Variants in ERG observed in about 807,000 individuals in gnomAD.
ERG encodes transcriptional regulator ERG.
ERG carries 9 observed loss-of-function variants against 55.3 expected under a neutral mutation model. The observed-to-expected ratio is 0.16, with a 90% confidence interval of 0.10 to 0.28. ERG has a LOEUF of 0.28. ERG is among the 10% of genes least tolerant of loss of function. The pLI, the probability that ERG is intolerant of heterozygous loss-of-function variation, is 1.00. For missense variants in ERG, 434 were observed against 631.6 expected (o/e 0.69, Z 3.35); for synonymous variants, 223 against 237.3 (o/e 0.94, Z 0.55).
intron 3 of ERG, among the ~76,000 whole-genome samples, chr21:38,411,471 C>T (rs1989045453): frequency 6.6e-6 from 1 of 152,078 alleles, no homozygotes; most frequent in Non-Finnish European, 1.5e-5. Flanking sequence ...ACCATCGTGG[C>T]TAATTTTTGT....
intron 1 of ERG, among the ~76,000 whole-genome samples, chr21:38,625,735 T>C (rs947840433): frequency 2.0e-5 from 3 of 152,118 alleles, no homozygotes; most frequent in East Asian, 1.9e-4. Flanking sequence ...AAGACTTTAT[T>C]TTTGAACAGG....
At chr21:38,387,996 C>T (rs1311581432) in intron 9 of ERG, among the ~76,000 whole-genome samples, 2 of 152,220 alleles carry the variant, frequency 1.3e-5, no homozygotes, top group Admixed American at 1.3e-4. Flanking sequence ...TTATGCACAC[C>T]TCTGTAGCCT....
chr21:38,564,558 T>C (rs1414369252), intron 2 of ERG, among the ~76,000 whole-genome samples: 1 of 152,156 alleles, frequency 6.6e-6, no homozygotes, highest in African/African-American at 2.4e-5. Flanking sequence ...TGTTTGCATA[T>C]AAGCTGTCTG....
chr21:38,602,180 C>T (rs1226182354), intron 1 of ERG, among the ~76,000 whole-genome samples: 1 of 152,188 alleles, frequency 6.6e-6, no homozygotes, highest in Non-Finnish European at 1.5e-5. Flanking sequence ...CATGGTGGCT[C>T]ACGCCTGTAA....
At chr21:38,539,595 C>T (rs8130080) in intron 2 of ERG, among the ~76,000 whole-genome samples, 11,045 of 152,084 alleles carry the variant, frequency 0.073, 561 homozygotes, top group Middle Eastern at 0.14. Flanking sequence ...AGTGAAAAAG[C>T]TAAAGATTAA....
chr21:38,646,900 T>G (rs1482017793), intron 1 of ERG, among the ~76,000 whole-genome samples: 1 of 152,106 alleles, frequency 6.6e-6, no homozygotes, highest in Non-Finnish European at 1.5e-5. Context: ...CACTGTTACA[T>G]CCAAAGCGTG....
chr21:38,542,603 A>C (rs915307488), intron 2 of ERG, among the ~76,000 whole-genome samples: 1 of 152,198 alleles, frequency 6.6e-6, no homozygotes, highest in African/African-American at 2.4e-5. Flanking sequence ...TATTTCTAAA[A>C]ATAGAGAAAT....
At chr21:38,442,977 T>G (rs2058856045) in intron 2 of ERG, among the ~76,000 whole-genome samples, 1 of 151,972 alleles carries the variant, frequency 6.6e-6, no homozygotes, top group Non-Finnish European at 1.5e-5. Context: ...CCGGCTAATT[T>G]TTTGTATTTT....
At chr21:38,567,845 T>C (rs1301235064) in intron 2 of ERG, among the ~76,000 whole-genome samples, 1 of 152,196 alleles carries the variant, frequency 6.6e-6, no homozygotes, top group African/African-American at 2.4e-5. Flanking sequence ...CTTCGTGTTA[T>C]TGAAAAGAGC....
intron 3 of ERG, among the ~76,000 whole-genome samples, chr21:38,418,927 CAAAAAAAAA>C (rs35001409): frequency 1.2e-5 from 1 of 80,924 alleles, no homozygotes; most frequent in Non-Finnish European, 2.4e-5. Context: ...GACTTTGTCT[CAAAAAAAAA>C]AAAAAAAAAA....
chr21:38,597,299 T>C (rs571470117), intron 1 of ERG, among the ~76,000 whole-genome samples: 2 of 152,354 alleles, frequency 1.3e-5, no homozygotes, highest in African/African-American at 4.8e-5. Context: ...AATTGGTTTA[T>C]CTGTCTATAT....
rs17285210 is a variant in ERG at position 38,489,941 on chromosome 21, C to T, written c.18+8422G>A. Among the ~76,000 whole-genome samples, 2,140 of 152,220 alleles carry T rather than the reference C, an allele frequency of 0.014. 89 individuals are homozygous for T. The East Asian group carries it at 0.16, about 11-fold the overall frequency. ...TTCAAGCCGCCTTCCAGGTGGATAGCGATTGCAATGAGAGAGAAAGAGTAT... is the reference window on the plus strand; with the variant it reads ...TTCAAGCCGCCTTCCAGGTGGATAGTGATTGCAATGAGAGAGAAAGAGTAT... On this transcript the variant is annotated intron_variant, in intron 1 of 9. Coordinates refer to ENST00000288319, the MANE Select transcript of ERG (RefSeq NM_182918.4).
At chr21:38,555,603 T>C (rs1310881081) in intron 2 of ERG, among the ~76,000 whole-genome samples, 1 of 152,060 alleles carries the variant, frequency 6.6e-6, no homozygotes, top group Non-Finnish European at 1.5e-5. Context: ...TATATTGAAA[T>C]ATGCACTATG....
chr21:38,540,183 C>T (rs1285875754), intron 2 of ERG, among the ~76,000 whole-genome samples: 1 of 152,152 alleles, frequency 6.6e-6, no homozygotes, highest in East Asian at 1.9e-4. Flanking sequence ...GGCTGAGCCA[C>T]TGTGCCAGTT....
chr21:38,576,828 C>A (rs374177012), intron 1 of ERG, among the ~76,000 whole-genome samples: 8 of 152,038 alleles, frequency 5.3e-5, no homozygotes, highest in African/African-American at 1.7e-4. Flanking sequence ...CCTCCCTGGG[C>A]GCTTGGTTAT....
At chr21:38,565,570 C>A (rs2059917830) in intron 2 of ERG, among the ~76,000 whole-genome samples, 1 of 152,190 alleles carries the variant, frequency 6.6e-6, no homozygotes, top group African/African-American at 2.4e-5. Context: ...AGAGCTCCTG[C>A]CAAAGGGCCT....
chr21:38,429,764 C>CACACA (rs776061892), intron 2 of ERG, among the ~76,000 whole-genome samples: 1 of 149,192 alleles, frequency 6.7e-6, no homozygotes, highest in Non-Finnish European at 1.5e-5. Flanking sequence ...CACACACACA[C>CACACA]CACATTTTCT....
Position 38,381,129 on chromosome 21 carries a change from C to G in ERG, c.*2274G>C, listed in dbSNP as rs1374944973. The G allele has an allele frequency of 1.2e-5, 13 of 1,064,902 alleles. No homozygotes were observed. The East Asian group carries it at 4.5e-4, about 37-fold the overall frequency. The allele number at this position is 1,064,902 out of a possible 1,614,324, so 66.0% of individuals were successfully genotyped here. ...AGGAGCATTGGTAATCGTGTCCTGC[C>G]GACTTCAAAGCCCACTGCCAAAACA... On this transcript the variant is annotated 3_prime_UTR_variant, in exon 10 of 10. Coordinates refer to ENST00000288319, the MANE Select transcript of ERG (RefSeq NM_182918.4).
chr21:38,627,158 A>G (rs2060329919), intron 1 of ERG, among the ~76,000 whole-genome samples: 2 of 152,206 alleles, frequency 1.3e-5, no homozygotes, highest in African/African-American at 4.8e-5. Context: ...TAGATGTTGA[A>G]TATTTCATGT....
Sources: allele counts gnomAD v4.1 joint callset (sites outside exome capture counted in the v4.1 genomes callset), GRCh38; gene constraint gnomAD v4.1.1; transcripts MANE v1.5; gene names NCBI Gene and HGNC (gene_info 2026-07-23, HGNC 2026-07-21).